Variants in CDH18 observed in about 807,000 individuals in gnomAD.
The protein encoded by CDH18 is cadherin-18.
CDH18 carries 31 observed loss-of-function variants against 67.9 expected under a neutral mutation model. The ratio of observed to expected loss-of-function variants is 0.46; its 90% CI spans 0.34 to 0.62. The LOEUF is 0.62. CDH18 is among the 20% of genes least tolerant of loss of function. CDH18 has a pLI of 0.01. For missense variants in CDH18, 890 were observed against 975.5 expected, an observed-to-expected ratio of 0.91 and a Z score of 1.17; for synonymous variants, 362 against 347.2, an observed-to-expected ratio of 1.04 and a Z score of -0.48.
intron 9 of CDH18, among the ~76,000 whole-genome samples, chr5:19,526,422 T>C (rs537019271): frequency 6.6e-6 from 1 of 152,130 alleles, no homozygotes; most frequent in Non-Finnish European, 1.5e-5. Flanking sequence ...CTACAATATG[T>C]AGAAGATCTT....
At chr5:19,854,978 A>C (rs1784111309) in intron 2 of CDH18, among the ~76,000 whole-genome samples, 2 of 151,210 alleles carry the variant, frequency 1.3e-5, no homozygotes, top group Admixed American at 6.6e-5. Flanking sequence ...ATAAATGAGA[A>C]CATGAATATT....
At chr5:20,116,445 G>A (rs1245302903) in intron 2 of CDH18, among the ~76,000 whole-genome samples, 3 of 152,054 alleles carry the variant, frequency 2.0e-5, no homozygotes, top group South Asian at 2.1e-4. Flanking sequence ...GAACCCAAGA[G>A]GTGGAGGTTA....
intron 1 of CDH18, among the ~76,000 whole-genome samples, chr5:20,515,919 T>G (rs1755340200): frequency 6.6e-6 from 1 of 152,082 alleles, no homozygotes; most frequent in Non-Finnish European, 1.5e-5. Flanking sequence ...ACTAATTGAT[T>G]GGCATTAACT....
intron 2 of CDH18, among the ~76,000 whole-genome samples, chr5:19,968,589 G>C (rs969020634): frequency 1.3e-5 from 2 of 148,708 alleles, no homozygotes; most frequent in Non-Finnish European, 2.9e-5. Context: ...ACAAGCAACA[G>C]GGAAAGGATT....
chr5:20,546,267 C>T (rs1757336814), intron 1 of CDH18, among the ~76,000 whole-genome samples: 1 of 152,152 alleles, frequency 6.6e-6, no homozygotes, highest in Non-Finnish European at 1.5e-5. Flanking sequence ...CTGTCTTCTT[C>T]TGAGCCTTCC....
At chr5:19,588,206 G>A (rs1291565118) in intron 7 of CDH18, among the ~76,000 whole-genome samples, 1 of 151,930 alleles carries the variant, frequency 6.6e-6, no homozygotes, top group Non-Finnish European at 1.5e-5. Context: ...GGAAGTTTCC[G>A]AGATATAGGG....
At chr5:20,353,844 G>C (rs976101630) in intron 1 of CDH18, among the ~76,000 whole-genome samples, 1 of 152,188 alleles carries the variant, frequency 6.6e-6, no homozygotes, top group African/African-American at 2.4e-5. Context: ...CTCCCACAGG[G>C]TTGAAGAATG....
At chr5:20,106,738 T>C (rs1009276865) in intron 2 of CDH18, among the ~76,000 whole-genome samples, 1 of 152,208 alleles carries the variant, frequency 6.6e-6, no homozygotes, top group Non-Finnish European at 1.5e-5. Flanking sequence ...CTCTGTTTTG[T>C]TGAAATTCAA....
intron 2 of CDH18, among the ~76,000 whole-genome samples, chr5:20,152,393 T>C (rs987193531): frequency 6.6e-6 from 1 of 151,400 alleles, no homozygotes; most frequent in South Asian, 2.1e-4. Context: ...GTCTGTTATA[T>C]TGCACATTTG....
chr5:20,203,337 A>G (rs1739598768), intron 2 of CDH18, among the ~76,000 whole-genome samples: 1 of 152,128 alleles, frequency 6.6e-6, no homozygotes, highest in African/African-American at 2.4e-5. Flanking sequence ...CTGCCCTGTA[A>G]CTCAGCCAAA....
intron 2 of CDH18, among the ~76,000 whole-genome samples, chr5:19,943,422 T>C (rs1160526902): frequency 6.6e-6 from 1 of 152,070 alleles, no homozygotes; most frequent in East Asian, 1.9e-4. Flanking sequence ...AATCCAAACA[T>C]ATGAATCCCA....
chr5:19,478,432 A>C (rs431537), intron 12 of CDH18: 1 of 151,930 alleles, frequency 6.6e-6, no homozygotes, highest in Non-Finnish European at 1.5e-5. Flanking sequence ...TCTCTCTCTG[A>C]AACCTTAGAT....
chr5:20,025,217 G>A (rs978298979), intron 2 of CDH18, among the ~76,000 whole-genome samples: 4 of 152,100 alleles, frequency 2.6e-5, no homozygotes, highest in Non-Finnish European at 5.9e-5. Flanking sequence ...GCCTTTCAAT[G>A]TACAGATCTT....
At chr5:19,853,409 G>A (rs1458259317) in intron 2 of CDH18, among the ~76,000 whole-genome samples, 2 of 152,072 alleles carry the variant, frequency 1.3e-5, no homozygotes, top group African/African-American at 2.4e-5. Context: ...GCCACCCTGG[G>A]GGTTCAGCCT....
intron 3 of CDH18, among the ~76,000 whole-genome samples, chr5:19,795,351 A>T (rs576943201): frequency 6.6e-6 from 1 of 152,292 alleles, no homozygotes; most frequent in East Asian, 1.9e-4. Flanking sequence ...ACACCAGGAA[A>T]GCTCTGTCTA....
chr5:19,616,414 A>C (rs1749850428), intron 5 of CDH18, among the ~76,000 whole-genome samples: 1 of 152,160 alleles, frequency 6.6e-6, no homozygotes, highest in Non-Finnish European at 1.5e-5. Context: ...GTGAAGCTAT[A>C]CAGGCAAAAT....
intron 9 of CDH18, 93 bp from the exon 10 acceptor site, chr5:19,520,871 G>T: frequency 7.4e-7 from 1 of 1,342,918 alleles, no homozygotes; most frequent in Non-Finnish European, 1.0e-6. Context: ...GCTTGTCACT[G>T]GTTCCATATG....
chr5:20,032,701 C>T (rs529286865), intron 2 of CDH18, among the ~76,000 whole-genome samples: 10 of 151,948 alleles, frequency 6.6e-5, no homozygotes, highest in African/African-American at 1.4e-4. Flanking sequence ...TTAAACTTGA[C>T]GATCTAGTTT....
chr5:19,513,666 T>TA, intron 10 of CDH18, among the ~76,000 whole-genome samples: 1 of 152,148 alleles, frequency 6.6e-6, no homozygotes, highest in African/African-American at 2.4e-5. Flanking sequence ...TGCATTATTT[T>TA]ATCTTCTTTA....
Sources: allele counts gnomAD v4.1 joint callset (sites outside exome capture counted in the v4.1 genomes callset), GRCh38; gene constraint gnomAD v4.1.1; transcripts MANE v1.5; gene names NCBI Gene and HGNC (gene_info 2026-07-23, HGNC 2026-07-21).